The following ANK2 variants were observed in gnomAD, a reference collection of about 807,000 sequenced individuals.
The protein encoded by ANK2 is ankyrin 2.
In ANK2, 83 loss-of-function variants were observed where a neutral mutation model predicts 360.5. That is an observed-to-expected ratio of 0.23 (90% confidence interval 0.19 to 0.28). The LOEUF (loss-of-function observed/expected upper bound fraction) is 0.28, where lower values mean the gene tolerates loss of function less well. Ranked by LOEUF, ANK2 falls within the 10% of genes least tolerant of loss-of-function variation. ANK2 has a pLI of 1.00. For synonymous variants in ANK2, 1,740 were observed against 1,759.5 expected, an observed-to-expected ratio of 0.99 and a Z score of 0.28; for missense variants, 4,201 against 4,795.7, an observed-to-expected ratio of 0.88 and a Z score of 3.66.
intron 1 of ANK2, among the ~76,000 whole-genome samples, chr4:113,143,479 G>C (rs538896967): frequency 1.3e-5 from 2 of 152,152 alleles, no homozygotes; most frequent in Non-Finnish European, 2.9e-5. Context: ...AATGAAGTGA[G>C]GAGGCTAGAG....
intron 5 of ANK2, among the ~76,000 whole-genome samples, chr4:113,234,305 T>C (rs575233767): frequency 2.5e-4 from 38 of 152,350 alleles, no homozygotes; most frequent in African/African-American, 8.7e-4. Context: ...CTCTCTGATT[T>C]CACAAGGAAA....
intron 1 of ANK2, chr4:112,827,405 C>G: frequency 7.2e-7 from 1 of 1,383,344 alleles, no homozygotes; most frequent in Non-Finnish European, 1.0e-6. Context: ...GCTATTGGAC[C>G]AAGGAAGAAG....
In ANK2 at chr4:113,354,765, A is replaced by T. The variant is rs372014591; in HGVS notation, c.6147A>T (p.Thr2049=). The T allele has an allele frequency of 6.8e-6, 11 of 1,613,938 alleles. No homozygotes were observed. The highest frequency in any genetic ancestry group is 9.3e-6 in the Non-Finnish European group (11 of 1,179,952). Residue 2049 remains threonine (T), a synonymous_variant, in exon 38 of 46, where the codon ACA becomes ACT. Coordinates refer to ENST00000357077, the MANE Select transcript of ANK2 (RefSeq NM_001148.6). ...QREAQKTENQ[T]IKRGQRLPVT... Reference sequence around the variant, plus strand: ...AAGCTCAGAAAACAGAGAATCAGACAATCAAACGAGGCCAGAGACTCCCGG... The same window carrying T: ...AAGCTCAGAAAACAGAGAATCAGACTATCAAACGAGGCCAGAGACTCCCGG...
At chr4:112,932,455 A>G (rs1333334609) in intron 2 of ANK2, among the ~76,000 whole-genome samples, 7 of 150,398 alleles carry the variant, frequency 4.7e-5, no homozygotes, top group Admixed American at 4.0e-4. Flanking sequence ...TAGCGCCACT[A>G]CACTACAGCC....
At chr4:112,762,183 G>A in the ANK2 span, among the ~76,000 whole-genome samples, 3 of 152,096 alleles carry the variant, frequency 2.0e-5, no homozygotes, top group Non-Finnish European at 4.4e-5. Context: ...AACTCAAAGG[G>A]CTATTTATTT....
At chr4:113,018,905 T>A (rs909411486) in intron 2 of ANK2, among the ~76,000 whole-genome samples, 4 of 152,236 alleles carry the variant, frequency 2.6e-5, no homozygotes, top group Admixed American at 2.6e-4. Flanking sequence ...TCCTCTGTGG[T>A]CATCTAATAT....
At chr4:113,013,680 T>C (rs1431129490) in intron 2 of ANK2, among the ~76,000 whole-genome samples, 1 of 152,190 alleles carries the variant, frequency 6.6e-6, no homozygotes, top group Non-Finnish European at 1.5e-5. Context: ...AACTTTACAT[T>C]ATATTTTCAA....
At chr4:112,930,887 C>T (rs529427252) in intron 2 of ANK2, among the ~76,000 whole-genome samples, 6 of 140,890 alleles carry the variant, frequency 4.3e-5, no homozygotes, top group African/African-American at 5.5e-5. Flanking sequence ...GACTCCATCT[C>T]GAGAGAAAAA....
At chr4:112,791,479 CTTTTTTTTTTTT>C in the ANK2 span, among the ~76,000 whole-genome samples, 2,259 of 93,904 alleles carry the variant, frequency 0.024, 40 homozygotes, top group South Asian at 0.041. Context: ...TCTTCTTCTT[CTTTTTTTTTTTT>C]TTTTTTTTTT....
rs147567712 is a variant in ANK2 at position 113,343,900 on chromosome 4, C to G, written c.4248+758C>G. Among the ~76,000 whole-genome samples, 405 of 152,252 alleles carry G rather than the reference C, an allele frequency of 2.7e-3. 12 individuals carry two copies. In the East Asian group the frequency reaches 0.05, roughly 19 times the overall value. ...CTCTTAGGTATAGGCTGGCTTCTGT[C>G]GTTTTTTTTCCAATCCTACTTCACC... On this transcript the variant is annotated intron_variant, in intron 34 of 45. Coordinates refer to ENST00000357077, the MANE Select transcript of ANK2 (RefSeq NM_001148.6).
intron 2 of ANK2, among the ~76,000 whole-genome samples, chr4:113,184,893 G>A (rs891463678): frequency 3.3e-5 from 5 of 152,066 alleles, no homozygotes; most frequent in Non-Finnish European, 7.4e-5. Flanking sequence ...GGTGTGTGAT[G>A]TTTCCCTCCG....
intron 2 of ANK2, among the ~76,000 whole-genome samples, chr4:113,176,076 A>G (rs971282941): frequency 1.3e-5 from 2 of 152,224 alleles, no homozygotes; most frequent in Admixed American, 6.5e-5. Context: ...GCAGGCCTGT[A>G]TGAATCCCCC....
At chr4:112,839,336 C>T (rs542531957) in intron 1 of ANK2, among the ~76,000 whole-genome samples, 1 of 152,132 alleles carries the variant, frequency 6.6e-6, no homozygotes, top group African/African-American at 2.4e-5. Context: ...ACAATTGGCT[C>T]CCTGATGCTC....
chr4:112,826,356 A>G, intron 1 of ANK2: 1 of 959,796 alleles, frequency 1.0e-6, no homozygotes, highest in Non-Finnish European at 1.6e-6. Context: ...AAACACAGTG[A>G]CAATGGTCTC....
intron 2 of ANK2, among the ~76,000 whole-genome samples, chr4:112,919,610 G>T (rs1024361677): frequency 6.6e-6 from 1 of 152,104 alleles, no homozygotes; most frequent in South Asian, 2.1e-4. Context: ...AATGAAATAA[G>T]TATAATACCA....
At chr4:113,058,769 T>C (rs1187994574) in intron 1 of ANK2, among the ~76,000 whole-genome samples, 1 of 152,148 alleles carries the variant, frequency 6.6e-6, no homozygotes, top group South Asian at 2.1e-4. Context: ...ATAGATACTT[T>C]CCATTATTTT....
upstream of ANK2, among the ~76,000 whole-genome samples, chr4:113,048,277 T>TATATATATATATA (rs1491332643): frequency 3.3e-4 from 11 of 33,810 alleles, no homozygotes; most frequent in South Asian, 1.5e-3. Context: ...TATATATATA[T>TATATATATATATA]TTTTTTTTTT....
At chr4:112,912,176 C>CA (rs77322574) in intron 2 of ANK2, among the ~76,000 whole-genome samples, 1,550 of 97,086 alleles carry the variant, frequency 0.016, 18 homozygotes, top group East Asian at 0.11. Context: ...GACTCCGTTT[C>CA]AAAAAAAAAA....
chr4:113,332,115 C>T, intron 28 of ANK2, 45 bp downstream of exon 28: 1 of 1,448,468 alleles, frequency 6.9e-7, no homozygotes, highest in Non-Finnish European at 9.7e-7. Flanking sequence ...GCCCCCCATT[C>T]TTCTCCTTCT....
Sources: allele counts gnomAD v4.1 joint callset (sites outside exome capture counted in the v4.1 genomes callset), GRCh38; gene constraint gnomAD v4.1.1; transcripts MANE v1.5; gene names NCBI Gene and HGNC (gene_info 2026-07-23, HGNC 2026-07-21).